Variants in POF1B observed in about 807,000 individuals in gnomAD.
POF1B encodes protein POF1B.
A neutral mutation model predicts 55.3 loss-of-function variants in POF1B; 53 were observed. That is an observed-to-expected ratio of 0.96 (90% CI 0.77 to 1.20). POF1B has a LOEUF of 1.20. Among genes scored for constraint, POF1B ranks in the 50% most tolerant of loss-of-function variants. The pLI, the probability that POF1B is intolerant of heterozygous loss-of-function variation, is 0.00. For missense variants in POF1B, 478 were observed against 420.5 expected (o/e 1.14, Z -1.20); for synonymous variants, 188 against 148.3 (o/e 1.27, Z -1.95).
intron 15 of POF1B, among the ~76,000 whole-genome samples, chrX:85,291,578 T>C (rs1932188017): frequency 1.8e-5 from 2 of 111,947 alleles, no homozygotes; most frequent in African/African-American, 3.2e-5. Flanking sequence ...ATGGAATCAT[T>C]TTCCATTTCT....
intron 7 of POF1B, among the ~76,000 whole-genome samples, chrX:85,326,323 G>C (rs2147921738): frequency 9.0e-6 from 1 of 111,457 alleles, no homozygotes; most frequent in South Asian, 3.8e-4. Flanking sequence ...GCATGCGTTT[G>C]CCCGGCAGTG....
intron 2 of POF1B, among the ~76,000 whole-genome samples, chrX:85,368,790 G>A (rs953556147): frequency 7.2e-5 from 8 of 111,347 alleles, no homozygotes; most frequent in African/African-American, 2.6e-4. Flanking sequence ...CAACAAAACT[G>A]CAATCACTTC....
intron 15 of POF1B, among the ~76,000 whole-genome samples, chrX:85,300,239 A>G (rs1932413592): frequency 8.9e-6 from 1 of 111,735 alleles, no homozygotes; most frequent in African/African-American, 3.3e-5. Context: ...TGAAGGAAAG[A>G]CCTGAGAAAA....
intron 4 of POF1B, among the ~76,000 whole-genome samples, chrX:85,356,218 C>G (rs771512234): frequency 9.3e-6 from 1 of 107,753 alleles, no homozygotes; most frequent in South Asian, 4.1e-4. Flanking sequence ...GACAAAAAAC[C>G]AAACACCGCA....
chrX:85,372,359 A>T (rs1214228703), intron 2 of POF1B, among the ~76,000 whole-genome samples: 3 of 103,205 alleles, frequency 2.9e-5, no homozygotes, highest in African/African-American at 3.4e-5. Context: ...AAAAAAAAAA[A>T]GAAATGAAAA....
chrX:85,282,534 T>A (rs1931927735), intron 15 of POF1B, among the ~76,000 whole-genome samples: 1 of 111,209 alleles, frequency 9.0e-6, no homozygotes, highest in Non-Finnish European at 1.9e-5. Context: ...GGACTTCTGT[T>A]TCTGGCCATG....
chrX:85,338,460 A>G (rs1229535485), intron 6 of POF1B, among the ~76,000 whole-genome samples: 11 of 111,884 alleles, frequency 9.8e-5, no homozygotes, highest in Non-Finnish European at 2.1e-4. Context: ...ATTAAAAACA[A>G]TGTAGGTGGT....
intron 6 of POF1B, among the ~76,000 whole-genome samples, chrX:85,331,290 T>C (rs1176248791): frequency 9.0e-6 from 1 of 111,604 alleles, no homozygotes; most frequent in Non-Finnish European, 1.9e-5. Flanking sequence ...CGATTCTAAG[T>C]GTTCAAATGA....
rs373155952 is a variant in POF1B, at chrX:85,340,738, T to G, written c.723+5122A>C. Among the ~76,000 whole-genome samples the G allele has an allele frequency of 2.7e-4, 30 of 110,355 alleles. No individual in the cohort carries two copies. The South Asian group carries it at 5.4e-3, about 20-fold the overall frequency. ...ACAGAGAGAGTGACCAAAATGTCAG[T>G]AGAGAGTGATAATTCAAACCAAGGC... is the stretch of plus-strand genomic sequence containing the variant. On this transcript the variant is annotated intron_variant, in intron 6 of 16. Transcript: ENST00000262753.
At chrX:85,282,891 A>C (rs1328948128) in intron 15 of POF1B, among the ~76,000 whole-genome samples, 4 of 110,969 alleles carry the variant, frequency 3.6e-5, no homozygotes, top group African/African-American at 1.3e-4. Context: ...AATGACTAGA[A>C]AGGAGCAGGC....
chrX:85,304,646 A>G (rs1208790634), intron 13 of POF1B, among the ~76,000 whole-genome samples, 175 bp from the exon 14 acceptor site: 1 of 111,324 alleles, frequency 9.0e-6, no homozygotes, highest in Non-Finnish European at 1.9e-5. Context: ...TGAAATGCCA[A>G]TTACAAATTT....
At chrX:85,323,423 C>T (rs1284317428) in intron 7 of POF1B, among the ~76,000 whole-genome samples, 2 of 94,506 alleles carry the variant, frequency 2.1e-5, no homozygotes, top group East Asian at 3.4e-4. Context: ...GGAAGGGGAA[C>T]ATCACACTCT....
chrX:85,314,587 G>T, intron 8 of POF1B, 81 bp from the exon 9 acceptor site: 1 of 643,188 alleles, frequency 1.6e-6, no homozygotes, highest in Non-Finnish European at 2.2e-6. Context: ...TGTGTAATGG[G>T]ACATATTTTA....
intron 2 of POF1B, among the ~76,000 whole-genome samples, chrX:85,375,709 A>G (rs1198196655): frequency 1.8e-5 from 2 of 111,606 alleles, no homozygotes. Flanking sequence ...GGAAGAGAAG[A>G]GTTATCCACA....
rs1469402137 is a variant in POF1B at position 85,379,363 on chromosome X, T to C, written c.92A>G (p.His31Arg). 4.1e-6 allele frequency: 5 copies of C among 1,209,728 alleles called. No homozygotes were observed. The highest frequency in any genetic ancestry group is 5.6e-6 in the Non-Finnish European group (5 of 894,927). ...EVLQCQPQHY[H>R]CYHQSSQAQQ... ...GGCTTGGCTTGACTGATGGTAGCAG[T>C]GGTAATGCTGGGGCTGGCACTGCAG... The change falls in exon 2 of 17, where the codon CAC (histidine) becomes CGC (arginine). Residue 31 changes from histidine (H) to arginine (R), a missense_variant. Transcript: ENST00000262753.
At chrX:85,373,635 C>G (rs1354941672) in intron 2 of POF1B, among the ~76,000 whole-genome samples, 2 of 111,670 alleles carry the variant, frequency 1.8e-5, no homozygotes, top group East Asian at 5.6e-4. Context: ...AATCTCTACC[C>G]TCTCATGGTT....
chrX:85,316,464 C>T (rs926382944), intron 7 of POF1B, among the ~76,000 whole-genome samples: 23 of 110,711 alleles, frequency 2.1e-4, no homozygotes, highest in Non-Finnish European at 2.8e-4. Context: ...CCTTTGGGAA[C>T]GTTGAAAACT....
intron 3 of POF1B, among the ~76,000 whole-genome samples, chrX:85,366,672 A>G (rs1933729289): frequency 1.8e-5 from 2 of 111,604 alleles, no homozygotes; most frequent in South Asian, 3.8e-4. Context: ...TTCTAAGTCA[A>G]TTATAACCTT....
intron 7 of POF1B, among the ~76,000 whole-genome samples, chrX:85,316,651 ATTTAT>A (rs1932789818): frequency 9.0e-6 from 1 of 111,607 alleles, no homozygotes; most frequent in Non-Finnish European, 1.9e-5. Context: ...AAGACAGAAT[ATTTAT>A]TTTATTTAAA....
Sources: allele counts gnomAD v4.1 joint callset (sites outside exome capture counted in the v4.1 genomes callset), GRCh38; gene constraint gnomAD v4.1.1; transcripts MANE v1.5; gene names NCBI Gene and HGNC (gene_info 2026-07-23, HGNC 2026-07-21).